The following FAXC variants were observed in gnomAD, a reference collection of about 807,000 sequenced individuals.
FAXC encodes the protein failed axon connections homolog.
Under a neutral mutation model 41.9 loss-of-function variants are expected in FAXC, and 10 were observed. The ratio of observed to expected loss-of-function variants is 0.24; its 90% CI spans 0.15 to 0.41. FAXC has a LOEUF of 0.41. FAXC is among the 10% of genes least tolerant of loss of function. The pLI is 1.00. For synonymous variants in FAXC, 183 were observed against 183.8 expected, an observed-to-expected ratio of 1.00 and a Z score of 0.03; for missense variants, 399 against 510.9, an observed-to-expected ratio of 0.78 and a Z score of 2.11.
At chr6:99,305,383 G>T (rs1771881130) in intron 4 of FAXC, among the ~76,000 whole-genome samples, 1 of 152,118 alleles carries the variant, frequency 6.6e-6, no homozygotes, top group Admixed American at 6.5e-5. Context: ...CATCTGTTCG[G>T]TAAGCAAGCA....
chr6:99,312,116 T>C (rs773559105), intron 4 of FAXC, among the ~76,000 whole-genome samples: 8 of 152,200 alleles, frequency 5.3e-5, no homozygotes, highest in Non-Finnish European at 1.0e-4. Flanking sequence ...AATAAATATC[T>C]GCTGGATGCC....
At chr6:99,330,005 C>A (rs574789507) in intron 3 of FAXC, among the ~76,000 whole-genome samples, 4 of 151,504 alleles carry the variant, frequency 2.6e-5, no homozygotes, top group Non-Finnish European at 5.9e-5. Context: ...CTCAAAAGAT[C>A]CTCCCGCCTC....
At chr6:99,348,555 C>T (rs928997067) in intron 1 of FAXC, among the ~76,000 whole-genome samples, 4 of 152,162 alleles carry the variant, frequency 2.6e-5, no homozygotes, top group African/African-American at 9.7e-5. Flanking sequence ...GCGTTCAATA[C>T]CAGATAAGCA....
chr6:99,349,502 G>C lies in FAXC; in HGVS notation c.-130C>G. On this transcript the variant is annotated 5_prime_UTR_variant, in exon 1 of 6. Coordinates refer to ENST00000389677, the MANE Select transcript of FAXC (RefSeq NM_032511.4). The stretch of plus-strand genomic sequence containing the variant: ...CGGCGCGGGCGGCGGCGACTGAGGA[G>C]GCGGCGGCGACTGAGGAGGCGGCGG... 1.6e-6 allele frequency: 1 copy of C among 620,994 alleles called. No homozygotes were observed. Among genetic ancestry groups the C allele is most frequent in the Non-Finnish European group, 2.0e-6 (1 of 499,244 alleles). The allele number at this position is 620,994 out of a possible 1,614,324, so 38.5% of individuals were successfully genotyped here. A position where few individuals can be genotyped will look rare whatever the true frequency, so the allele number is the denominator to read the frequency against.
chr6:99,335,175 C>T (rs1223347105), intron 2 of FAXC, among the ~76,000 whole-genome samples: 1 of 152,182 alleles, frequency 6.6e-6, no homozygotes, highest in Non-Finnish European at 1.5e-5. Context: ...ACCTCTAGAC[C>T]ACCCTTTCCC....
intron 4 of FAXC, among the ~76,000 whole-genome samples, chr6:99,319,532 C>A (rs1413318726): frequency 3.9e-5 from 6 of 152,158 alleles, no homozygotes; most frequent in Admixed American, 1.3e-4. Flanking sequence ...TACATGCCGA[C>A]CACTTTTCAG....
At chr6:99,289,408 TGGGAGACTGAGGTAG>T (rs1771146264) in intron 5 of FAXC, among the ~76,000 whole-genome samples, 1 of 152,092 alleles carries the variant, frequency 6.6e-6, no homozygotes, top group African/African-American at 2.4e-5. Flanking sequence ...CTCAGCTACT[TGGGAGACTGAGGTAG>T]GAGGATCACT....
intron 4 of FAXC, among the ~76,000 whole-genome samples, chr6:99,306,893 C>T (rs917529666): frequency 6.6e-6 from 1 of 152,190 alleles, no homozygotes; most frequent in Non-Finnish European, 1.5e-5. Context: ...GTAGTTGCTA[C>T]ATCCAACAAC....
chr6:99,293,972 G>C (rs765975880), intron 4 of FAXC, among the ~76,000 whole-genome samples: 15 of 151,968 alleles, frequency 9.9e-5, no homozygotes, highest in Non-Finnish European at 5.9e-5. Flanking sequence ...GGAACACAAG[G>C]TAACAACTGT....
At position 99,291,890 on chromosome 6, in the gene FAXC, G is replaced by A. The variant is rs1422219808; in HGVS notation, c.824-70C>T. The stretch of plus-strand genomic sequence containing the variant: ...CCCCACATCATCACAATGGCATTTA[G>A]CACATTCTATTACATATTCCTTTAC... On this transcript the variant is annotated intron_variant, in intron 4 of 5. Transcript: ENST00000389677. 3 of 1,120,872 alleles carry A rather than the reference G, an allele frequency of 2.7e-6. No individual in the cohort carries two copies. The African/African-American group carries it at 4.6e-5, about 17-fold the overall frequency. The allele number at this position is 1,120,872 out of a possible 1,614,324, so 69.4% of individuals were successfully genotyped here.
At chr6:99,339,338 G>A (rs535816943) in intron 2 of FAXC, among the ~76,000 whole-genome samples, 2 of 152,346 alleles carry the variant, frequency 1.3e-5, no homozygotes, top group South Asian at 4.1e-4. Flanking sequence ...GTTTGGGGAT[G>A]CCTGAGGCTC....
At chr6:99,343,172 C>A in intron 1 of FAXC, 139 bp from the exon 2 acceptor site, 2 of 696,736 alleles carry the variant, frequency 2.9e-6, no homozygotes, top group African/African-American at 1.8e-5. Flanking sequence ...TTACATCACC[C>A]AGCACCCAGT....
At chr6:99,284,074 T>C (rs1770927421) in intron 5 of FAXC, 1 of 152,248 alleles carries the variant, frequency 6.6e-6, no homozygotes. Flanking sequence ...TAGTCCTGAC[T>C]GTGTGCCAGG....
chr6:99,307,125 A>G (rs888287586), intron 4 of FAXC, among the ~76,000 whole-genome samples: 1 of 152,186 alleles, frequency 6.6e-6, no homozygotes, highest in African/African-American at 2.4e-5. Context: ...AAGCCAAAAC[A>G]TAATAGGAAT....
rs374539373 is a variant in FAXC at position 99,301,195 on chromosome 6, T to A, written c.824-9375A>T. ...CCCTTAGGAGGAAACCAAATTGTGT[T>A]CGACCTTATATTTAAACATGGAAAT... On this transcript the variant is annotated intron_variant, in intron 4 of 5. Transcript: ENST00000389677. Among the ~76,000 whole-genome samples, 4 of 152,258 alleles carry A rather than the reference T, an allele frequency of 2.6e-5. No individual in the cohort carries two copies. In the East Asian group the frequency reaches 7.7e-4, roughly 29 times the overall value.
At position 99,274,206 on chromosome 6, in the gene FAXC, G is replaced by A. The variant is rs1199453818; in HGVS notation, c.*6958C>T. 6.6e-6 allele frequency: 1 copy of A among 152,094 alleles called. No individual in the cohort carries two copies. The highest frequency in any genetic ancestry group is 6.5e-5 in the Admixed American group (1 of 15,268). 9.4% of individuals were successfully genotyped at this position (152,094 alleles called of 1,614,324 possible). A position where few individuals can be genotyped will look rare whatever the true frequency, so the allele number is the denominator to read the frequency against. On this transcript the variant is annotated 3_prime_UTR_variant, in exon 6 of 6. Coordinates refer to ENST00000389677, the MANE Select transcript of FAXC (RefSeq NM_032511.4). ...CAGGCCTGGCTTCAGAAGGGGAATG[G>A]GGGACATGAGCATAGAAATTAAGAT...
intron 3 of FAXC, among the ~76,000 whole-genome samples, chr6:99,331,217 C>G (rs939334760): frequency 2.0e-5 from 3 of 152,156 alleles, no homozygotes; most frequent in African/African-American, 7.2e-5. Context: ...TAATAGCTAA[C>G]CCCTCCAACA....
intron 4 of FAXC, among the ~76,000 whole-genome samples, chr6:99,308,363 A>C (rs889297121): frequency 3.9e-5 from 6 of 152,250 alleles, no homozygotes; most frequent in Non-Finnish European, 7.3e-5. Flanking sequence ...TACAATGAAT[A>C]AAGTGGTAAA....
chr6:99,316,540 T>C (rs1214923912), intron 4 of FAXC, among the ~76,000 whole-genome samples: 1 of 152,196 alleles, frequency 6.6e-6, no homozygotes, highest in Non-Finnish European at 1.5e-5. Context: ...CAAGGCATAA[T>C]TGCACCCATA....
Sources: allele counts gnomAD v4.1 joint callset (sites outside exome capture counted in the v4.1 genomes callset), GRCh38; gene constraint gnomAD v4.1.1; transcripts MANE v1.5; gene names NCBI Gene and HGNC (gene_info 2026-07-23, HGNC 2026-07-21).